ZBBX: variants seen among roughly 807,000 people sequenced by gnomAD.
ZBBX encodes the protein zinc finger B-box domain containing.
A neutral mutation model predicts 108.5 loss-of-function variants in ZBBX; 101 were observed. The ratio of observed to expected loss-of-function variants is 0.93; its 90% CI spans 0.79 to 1.10. The LOEUF is 1.10. ZBBX is among the 50% of genes least tolerant of loss of function. The pLI is 0.00. For missense variants in ZBBX, 1,009 were observed against 941.4 expected, an observed-to-expected ratio of 1.07 and a Z score of -0.94; for synonymous variants, 356 against 323.4, an observed-to-expected ratio of 1.10 and a Z score of -1.08.
At chr3:167,281,859 G>T (rs957575950) in intron 20 of ZBBX, among the ~76,000 whole-genome samples, 1 of 152,252 alleles carries the variant, frequency 6.6e-6, no homozygotes, top group African/African-American at 2.4e-5. Context: ...TGCTTTAAAA[G>T]ATCTAATGGC....
chr3:167,179,635 A>G, the ZBBX span, among the ~76,000 whole-genome samples: 3 of 152,384 alleles, frequency 2.0e-5, no homozygotes, highest in East Asian at 5.8e-4. Flanking sequence ...TCACATTAAT[A>G]GGCATATCAA....
chr3:167,284,727 T>A (rs992002950), intron 19 of ZBBX, among the ~76,000 whole-genome samples: 6 of 152,146 alleles, frequency 3.9e-5, no homozygotes, highest in African/African-American at 1.4e-4. Context: ...AAACAGACCA[T>A]CTTTCTTACT....
intron 9 of ZBBX, among the ~76,000 whole-genome samples, chr3:167,347,064 T>C (rs1313337518): frequency 1.3e-5 from 2 of 151,904 alleles, no homozygotes; most frequent in Non-Finnish European, 2.9e-5. Flanking sequence ...GCCTCTTTCT[T>C]ATTCTATTTC....
intron 4 of ZBBX, among the ~76,000 whole-genome samples, chr3:167,369,475 A>G (rs1208331056): frequency 3.7e-4 from 57 of 152,226 alleles, no homozygotes. Flanking sequence ...CGAGGAAGAT[A>G]TACAGAAAGT....
At chr3:167,388,493 A>G (rs1024345641) in intron 1 of ZBBX, among the ~76,000 whole-genome samples, 8 of 151,996 alleles carry the variant, frequency 5.3e-5, no homozygotes, top group Non-Finnish European at 7.4e-5. Flanking sequence ...CAGTGAGAAT[A>G]TTAATGCAAT....
chr3:167,311,798 T>G (rs1734626293), intron 16 of ZBBX, among the ~76,000 whole-genome samples: 1 of 152,126 alleles, frequency 6.6e-6, no homozygotes, highest in Non-Finnish European at 1.5e-5. Context: ...GGTGAGGATA[T>G]GGAGTAACAG....
chr3:167,229,183 C>G, the ZBBX span, among the ~76,000 whole-genome samples: 5 of 151,648 alleles, frequency 3.3e-5, no homozygotes, highest in Admixed American at 1.3e-4. Flanking sequence ...AATGGATGCC[C>G]TCTTCATTTG....
At chr3:167,365,823 G>C (rs1745232069) in intron 6 of ZBBX, 63 bp downstream of exon 6, 35 of 1,187,206 alleles carry the variant, frequency 2.9e-5, no homozygotes, top group Non-Finnish European at 4.1e-5. Context: ...GAAAATGCAA[G>C]ACCTAAAAAA....
chr3:167,352,923 T>C (rs1742924261), intron 8 of ZBBX, among the ~76,000 whole-genome samples: 1 of 152,104 alleles, frequency 6.6e-6, no homozygotes, highest in South Asian at 2.1e-4. Flanking sequence ...ACATTCAGCA[T>C]CACTCCATGA....
At chr3:167,301,852 G>T (rs1300562648) in intron 17 of ZBBX, among the ~76,000 whole-genome samples, 1 of 151,328 alleles carries the variant, frequency 6.6e-6, no homozygotes, top group Non-Finnish European at 1.5e-5. Context: ...AGCTACACGG[G>T]AGGCTGAGGC....
chr3:167,271,357 A>G (rs1484295900), intron 20 of ZBBX, among the ~76,000 whole-genome samples: 1 of 152,244 alleles, frequency 6.6e-6, no homozygotes, highest in Non-Finnish European at 1.5e-5. Flanking sequence ...GAAACAACTT[A>G]GCAGATCAGA....
intron 2 of ZBBX, among the ~76,000 whole-genome samples, chr3:167,374,794 AAG>A (rs1011394033): frequency 6.6e-5 from 10 of 152,222 alleles, no homozygotes; most frequent in African/African-American, 2.4e-4. Flanking sequence ...AGTGAAAGAA[AAG>A]AGAGAATTCA....
the ZBBX span, among the ~76,000 whole-genome samples, chr3:167,187,726 C>T: frequency 2.0e-5 from 3 of 152,094 alleles, no homozygotes; most frequent in Admixed American, 6.6e-5. Flanking sequence ...GCAGACTACT[C>T]GTGGAAAATA....
chr3:167,337,911 A>G (rs762231485), intron 9 of ZBBX, among the ~76,000 whole-genome samples: 2 of 152,210 alleles, frequency 1.3e-5, no homozygotes, highest in Non-Finnish European at 2.9e-5. Flanking sequence ...AACTCAACCT[A>G]AAGATAGTTT....
intron 8 of ZBBX, among the ~76,000 whole-genome samples, chr3:167,352,219 T>C (rs1208399852): frequency 1.3e-5 from 2 of 151,594 alleles, no homozygotes; most frequent in African/African-American, 4.8e-5. Flanking sequence ...TTTGAAAAAA[T>C]TAATGAAATT....
In ZBBX at chr3:167,330,843, AGAGGAG is replaced by A. The variant is rs367685431; in HGVS notation, c.688-2733_688-2728del. On this transcript the variant is annotated intron_variant, in intron 10 of 21. Transcript: ENST00000675490. ...AAGCAGAAGCAGAAGTAGAAGAGGA[AGAGGAG>A]GAGGAGGAGGAGGAGGAGGAGGAGA... Among the ~76,000 whole-genome samples the A allele has an allele frequency of 5.8e-3, 470 of 81,576 alleles. 27 individuals carry two copies. The highest frequency in any genetic ancestry group is 8.8e-3 in the African/African-American group (211 of 23,844). 53.5% of individuals were successfully genotyped at this position (81,576 alleles called of 152,430 possible).
Position 167,305,674 on chromosome 3 carries a change from A to G in ZBBX, c.1694T>C (p.Phe565Ser), listed in dbSNP as rs1733502750. The G allele has an allele frequency of 1.3e-6, 2 of 1,577,598 alleles. No individual in the cohort carries two copies. The highest frequency in any genetic ancestry group is 1.4e-5 in the African/African-American group (1 of 73,236). Residue 565 changes from phenylalanine (F) to serine (S), a missense_variant, in exon 17 of 22, where the codon TTT becomes TCT. Phe to Ser is a radical substitution (Grantham distance 155, BLOSUM62 -2). Transcript: ENST00000675490. ...ELSNLYKRPS[F>S]EESKTTKSSL... ...TGACTTTGTAGTTTTTGATTCTTCAAAGCTTGGCCTCTTATACAGATTGCT... is the reference window on the plus strand; with the variant it reads ...TGACTTTGTAGTTTTTGATTCTTCAGAGCTTGGCCTCTTATACAGATTGCT...
chr3:167,187,428 GA>G, the ZBBX span, among the ~76,000 whole-genome samples: 1 of 152,178 alleles, frequency 6.6e-6, no homozygotes, highest in Non-Finnish European at 1.5e-5. Context: ...GCTAATGCCA[GA>G]TAATAGCGTG....
At chr3:167,239,093 C>G (rs1056593996), downstream of ZBBX, among the ~76,000 whole-genome samples, 5 of 151,954 alleles carry the variant, frequency 3.3e-5, no homozygotes, top group Non-Finnish European at 7.4e-5. Context: ...GTCCAAAATC[C>G]ACAGGGCTGG....
Sources: gnomAD v4.1 joint callset for allele counts (sites outside exome capture counted in the v4.1 genomes callset) on GRCh38, gnomAD v4.1.1 for gene constraint, MANE v1.5 for transcripts, NCBI Gene and HGNC (gene_info 2026-07-23, HGNC 2026-07-21) for gene names.